Variants in UGT1A3 observed in about 807,000 individuals in gnomAD.
UGT1A3 encodes the protein UDP glucuronosyltransferase family 1 member A3, also known as UDP-glucuronosyltransferase 1A3.
A neutral mutation model predicts 41.0 loss-of-function variants in UGT1A3; 31 were observed. The ratio of observed to expected loss-of-function variants is 0.76; its 90% CI spans 0.57 to 1.02. The LOEUF is 1.02. Ranked by LOEUF, UGT1A3 falls within the 50% of genes least tolerant of loss-of-function variation. UGT1A3 has a pLI of 0.00. For missense variants in UGT1A3, 737 were observed against 671.0 expected (o/e 1.10, Z -1.09); for synonymous variants, 262 against 257.6 (o/e 1.02, Z -0.17).
In UGT1A3 at chr2:233,767,887, T is replaced by TG; in HGVS notation, c.1039dup (p.Ala347GlyfsTer8). ...ACACTGGAACCCGACCATCGAATCTTGCGAACAACACGATACTTGTTAAGT... is the reference window on the plus strand; with the variant it reads ...ACACTGGAACCCGACCATCGAATCTTGGCGAACAACACGATACTTGTTAAGT... On this transcript the variant is annotated frameshift_variant, in exon 3 of 5. Transcript: ENST00000482026. LOFTEE classifies it high-confidence loss of function. 2 of 1,614,208 alleles carry TG rather than the reference T, an allele frequency of 1.2e-6. No individual in the cohort carries two copies. Among genetic ancestry groups the TG allele is most frequent in the Non-Finnish European group, 8.5e-7 (1 of 1,180,046 alleles).
At chr2:233,755,508 C>T (rs1304593728) in intron 1 of UGT1A3, 5 of 166,694 alleles carry the variant, frequency 3.0e-5, no homozygotes, top group Non-Finnish European at 5.2e-5. Flanking sequence ...AGACCAGGCC[C>T]CGCCCACTCC....
rs771015573 is a variant in UGT1A3 at position 233,755,062 on chromosome 2, C to T, written c.868-11972C>T. On this transcript the variant is annotated intron_variant, in intron 1 of 4. Coordinates refer to ENST00000482026, the MANE Select transcript of UGT1A3 (RefSeq NM_019093.4). ...GCGCAGCCGCCCTCCGCCCTCGCCT[C>T]GCCATAGCGGTCATAGATATCGCGT... 7 of 1,335,332 alleles carry T rather than the reference C, an allele frequency of 5.2e-6. No individual in the cohort carries two copies. In the African/African-American group the frequency reaches 6.0e-5, roughly 11 times the overall value. 82.7% of individuals were successfully genotyped at this position (1,335,332 alleles called of 1,614,324 possible). A position where few individuals can be genotyped will look rare whatever the true frequency, so the allele number is the denominator to read the frequency against.
chr2:233,748,022 G>A, intron 1 of UGT1A3: 2 of 1,613,526 alleles, frequency 1.2e-6, no homozygotes, highest in South Asian at 2.2e-5. Flanking sequence ...GGCCGATCAT[G>A]CCCAACATGG....
At chr2:233,731,342 T>C (rs749214489) in intron 1 of UGT1A3, among the ~76,000 whole-genome samples, 10 of 152,040 alleles carry the variant, frequency 6.6e-5, no homozygotes, top group Non-Finnish European at 1.2e-4. Context: ...AATTGCAGGT[T>C]TGATACATAG....
At chr2:233,755,285 A>C (rs1468695441) in intron 1 of UGT1A3, 1 of 681,694 alleles carries the variant, frequency 1.5e-6, no homozygotes, top group Non-Finnish European at 2.3e-6. Flanking sequence ...ACTGCCAAAG[A>C]GCCTGCGGGG....
chr2:233,751,840 C>T (rs55891750), intron 1 of UGT1A3, among the ~76,000 whole-genome samples: 9,684 of 152,142 alleles, frequency 0.064, 535 homozygotes, highest in African/African-American at 0.14. Context: ...GGAACTGAGT[C>T]ATTTAAACCT....
At chr2:233,765,903 C>A (rs906451235) in intron 1 of UGT1A3, among the ~76,000 whole-genome samples, 6 of 152,044 alleles carry the variant, frequency 3.9e-5, no homozygotes, top group African/African-American at 1.5e-4. Flanking sequence ...ACTGCTCAAA[C>A]CTCTAGGGGA....
chr2:233,762,139 G>C (rs983754711), intron 1 of UGT1A3, among the ~76,000 whole-genome samples: 1 of 152,114 alleles, frequency 6.6e-6, no homozygotes, highest in African/African-American at 2.4e-5. Context: ...GGACCTGTGT[G>C]ACTTTGCATT....
chr2:233,743,533 T>A lies in UGT1A3; in HGVS notation c.867+13540T>A, dbSNP rs755870649. On this transcript the variant is annotated intron_variant, in intron 1 of 4. Transcript: ENST00000482026. The stretch of plus-strand genomic sequence containing the variant: ...CGCTCTGCTTCTGCTTCCCCAGCAG[T>A]TCCTCTGACCCCCCCAAAATATTCT... 4 of 1,367,096 alleles carry A rather than the reference T, an allele frequency of 2.9e-6. No individual in the cohort carries two copies. The African/African-American group carries it at 5.9e-5, about 20-fold the overall frequency. 84.7% of individuals were successfully genotyped at this position (1,367,096 alleles called of 1,614,324 possible).
chr2:233,733,202 C>A (rs1192097385), intron 1 of UGT1A3, among the ~76,000 whole-genome samples: 2 of 152,102 alleles, frequency 1.3e-5, no homozygotes, highest in Non-Finnish European at 2.9e-5. Context: ...CTTAAGGAGA[C>A]TTTGGGCTGA....
intron 1 of UGT1A3, among the ~76,000 whole-genome samples, chr2:233,733,426 T>C (rs1228976842): frequency 1.3e-5 from 2 of 152,226 alleles, no homozygotes; most frequent in African/African-American, 4.8e-5. Context: ...GCCTACTCAG[T>C]ATGATATTGG....
At chr2:233,755,150 C>A (rs1325253274) in intron 1 of UGT1A3, 1 of 1,299,090 alleles carries the variant, frequency 7.7e-7, no homozygotes, top group Non-Finnish European at 1.0e-6. Flanking sequence ...TCACCGCTTC[C>A]TCCCTGTCCT....
At chr2:233,730,660 G>A (rs979166401) in intron 1 of UGT1A3, among the ~76,000 whole-genome samples, 21 of 152,010 alleles carry the variant, frequency 1.4e-4, no homozygotes, top group African/African-American at 5.1e-4. Flanking sequence ...CTCAGAGTTC[G>A]GAAGGCAAAG....
intron 1 of UGT1A3, chr2:233,753,260 C>T (rs917926378): frequency 2.6e-5 from 4 of 152,220 alleles, no homozygotes; most frequent in African/African-American, 9.6e-5. Context: ...ACTACCCAGG[C>T]ACCTTGGAGC....
chr2:233,765,069 C>A (rs1391556696), intron 1 of UGT1A3, among the ~76,000 whole-genome samples: 2 of 152,082 alleles, frequency 1.3e-5, no homozygotes, highest in Non-Finnish European at 2.9e-5. Context: ...CAGAGGTCTC[C>A]TGTGTCTCAC....
chr2:233,743,913 C>G (rs1692584630), intron 1 of UGT1A3: 1 of 1,365,508 alleles, frequency 7.3e-7, no homozygotes, highest in Non-Finnish European at 9.8e-7. Context: ...TAGTAGTCCA[C>G]CATGCTGGAT....
chr2:233,743,705 G>C (rs756391897), intron 1 of UGT1A3: 3 of 1,367,306 alleles, frequency 2.2e-6, no homozygotes, highest in South Asian at 1.1e-5. Flanking sequence ...CTCCGCCCCC[G>C]CCTCGCCATA....
chr2:233,761,873 C>T (rs930936969), intron 1 of UGT1A3, among the ~76,000 whole-genome samples: 2 of 152,192 alleles, frequency 1.3e-5, no homozygotes, highest in South Asian at 2.1e-4. Flanking sequence ...TTTCAGAGAG[C>T]GTTCATTCAC....
intron 1 of UGT1A3, among the ~76,000 whole-genome samples, chr2:233,751,474 G>T (rs1469099593): frequency 6.6e-6 from 1 of 152,210 alleles, no homozygotes; most frequent in South Asian, 2.1e-4. Context: ...GATTGGTTTT[G>T]AAATGTGAAA....
Sources: allele counts gnomAD v4.1 joint callset (sites outside exome capture counted in the v4.1 genomes callset), GRCh38; gene constraint gnomAD v4.1.1; transcripts MANE v1.5; gene names NCBI Gene and HGNC (gene_info 2026-07-23, HGNC 2026-07-21).